IMMP2L: variants seen among roughly 807,000 people sequenced by gnomAD.
IMMP2L encodes the protein inner mitochondrial membrane peptidase subunit 2.
A neutral mutation model predicts 19.3 loss-of-function variants in IMMP2L; 18 were observed. The ratio of observed to expected loss-of-function variants is 0.93; its 90% CI spans 0.64 to 1.38. The LOEUF is 1.38. Ranked by LOEUF, IMMP2L falls within the 40% of genes most tolerant of loss-of-function variation. The probability of loss-of-function intolerance (pLI) is 0.00; values close to 1 mark genes in which losing one functional copy is unlikely to be tolerated. For missense variants in IMMP2L, 233 were observed against 218.2 expected, an observed-to-expected ratio of 1.07 and a Z score of -0.43; for synonymous variants, 76 against 73.0, an observed-to-expected ratio of 1.04 and a Z score of -0.21.
intron 3 of IMMP2L, among the ~76,000 whole-genome samples, chr7:111,090,037 A>T (rs1310102387): frequency 6.6e-6 from 1 of 151,950 alleles, no homozygotes; most frequent in East Asian, 1.9e-4. Context: ...CTGGGGTTGG[A>T]GTCATGACTA....
chr7:110,833,139 G>A (rs755699916), intron 5 of IMMP2L, among the ~76,000 whole-genome samples: 13 of 152,128 alleles, frequency 8.5e-5, no homozygotes, highest in Non-Finnish European at 1.0e-4. Context: ...GGAGCTCTTA[G>A]AAGAGTTTTA....
At chr7:111,481,505 T>A (rs1459723587) in intron 3 of IMMP2L, among the ~76,000 whole-genome samples, 1 of 152,148 alleles carries the variant, frequency 6.6e-6, no homozygotes, top group Non-Finnish European at 1.5e-5. Context: ...TACTGGTTTT[T>A]CTTAATAAGA....
chr7:111,291,774 G>A (rs927105360), intron 3 of IMMP2L, among the ~76,000 whole-genome samples: 60 of 152,202 alleles, frequency 3.9e-4, no homozygotes, highest in African/African-American at 1.3e-3. Flanking sequence ...ACAAAAAAAT[G>A]ACAAGTATAT....
chr7:110,770,482 T>C (rs190539075), intron 5 of IMMP2L, among the ~76,000 whole-genome samples: 2 of 152,344 alleles, frequency 1.3e-5, no homozygotes, highest in African/African-American at 4.8e-5. Context: ...AACAGTGAAA[T>C]GCCTTCCCCC....
chr7:110,802,305 G>C (rs1801306387), intron 5 of IMMP2L, among the ~76,000 whole-genome samples: 1 of 145,666 alleles, frequency 6.9e-6, no homozygotes, highest in Non-Finnish European at 1.5e-5. Context: ...TTCTTTTAAA[G>C]ACAGTGTGTA....
chr7:111,152,765 T>C (rs1382009944), intron 3 of IMMP2L, among the ~76,000 whole-genome samples: 1 of 152,154 alleles, frequency 6.6e-6, no homozygotes, highest in Admixed American at 6.5e-5. Flanking sequence ...ATAATGTCTA[T>C]TTACTTTCTT....
At chr7:110,670,716 A>G (rs1217076705) in intron 5 of IMMP2L, among the ~76,000 whole-genome samples, 1 of 151,834 alleles carries the variant, frequency 6.6e-6, no homozygotes, top group Non-Finnish European at 1.5e-5. Context: ...AAAAAAAACA[A>G]AAAAAACCCC....
intron 3 of IMMP2L, among the ~76,000 whole-genome samples, chr7:111,302,561 A>G (rs1369903305): frequency 6.6e-6 from 1 of 152,150 alleles, no homozygotes; most frequent in African/African-American, 2.4e-5. Flanking sequence ...TAACCCTAGG[A>G]GGTGCTATTA....
chr7:111,300,292 A>G (rs2129963034), intron 3 of IMMP2L, among the ~76,000 whole-genome samples: 1 of 152,292 alleles, frequency 6.6e-6, no homozygotes, highest in Middle Eastern at 3.4e-3. Context: ...AAGTACAGAC[A>G]CGGACCCCAC....
intron 3 of IMMP2L, among the ~76,000 whole-genome samples, chr7:111,356,786 G>C (rs1757930499): frequency 6.6e-6 from 1 of 152,106 alleles, no homozygotes; most frequent in African/African-American, 2.4e-5. Context: ...CTGCACTTTG[G>C]GAGGCTGAGG....
chr7:110,767,803 T>C (rs998048004), intron 5 of IMMP2L, among the ~76,000 whole-genome samples: 3 of 152,186 alleles, frequency 2.0e-5, no homozygotes, highest in South Asian at 2.1e-4. Context: ...AGGGTTTTTC[T>C]AAAGCACAGA....
intron 3 of IMMP2L, among the ~76,000 whole-genome samples, chr7:111,348,486 G>A (rs769406673): frequency 2.1e-4 from 32 of 151,844 alleles, no homozygotes; most frequent in Admixed American, 3.9e-4. Context: ...GCCAGTTTTC[G>A]GTCCATCTAA....
chr7:111,107,503 A>G (rs1028300339), intron 3 of IMMP2L, among the ~76,000 whole-genome samples: 2 of 152,060 alleles, frequency 1.3e-5, no homozygotes, highest in Non-Finnish European at 2.9e-5. Flanking sequence ...TAAAAACTCA[A>G]TATAAGCATG....
intron 5 of IMMP2L, among the ~76,000 whole-genome samples, chr7:110,713,352 T>A (rs566273050): frequency 3.9e-5 from 6 of 152,204 alleles, no homozygotes; most frequent in Non-Finnish European, 8.8e-5. Flanking sequence ...GTGATGCGTC[T>A]GACTTTGTTC....
At chr7:111,184,960 T>C (rs1192193763) in intron 3 of IMMP2L, among the ~76,000 whole-genome samples, 3 of 152,184 alleles carry the variant, frequency 2.0e-5, no homozygotes, top group East Asian at 1.9e-4. Context: ...CTAATAAAGA[T>C]GCTCTCCTTC....
rs1306244624 is a variant in IMMP2L at position 110,855,142 on chromosome 7, AG to A, written c.408+31450del. ...ACAGACCCAGGGCTGTGAAGAATCA[AG>A]GGAAAAGAAAATATATGGGGAAAAA... On this transcript the variant is annotated intron_variant, in intron 5 of 5. Transcript: ENST00000405709. 2.0e-5 allele frequency among the ~76,000 whole-genome samples: 3 copies of A among 151,998 alleles called. No individual in the cohort carries two copies. The East Asian group carries it at 5.8e-4, about 29-fold the overall frequency.
chr7:110,970,646 A>C (rs979107414), intron 3 of IMMP2L, among the ~76,000 whole-genome samples: 4 of 152,128 alleles, frequency 2.6e-5, no homozygotes, highest in Non-Finnish European at 5.9e-5. Flanking sequence ...TACTCTTTCA[A>C]TACAGATTCC....
rs1221676933 is a variant in IMMP2L, at chr7:111,466,748, T to G, written c.239+20490A>C. Reference sequence around the variant, plus strand: ...TCAGCCAAAAGCAGATCAAACATATTTGGGAAAAAACTGTCTGTACTAAAC... The same window carrying G: ...TCAGCCAAAAGCAGATCAAACATATGTGGGAAAAAACTGTCTGTACTAAAC... On this transcript the variant is annotated intron_variant, in intron 3 of 5. Coordinates refer to ENST00000405709, the MANE Select transcript of IMMP2L (RefSeq NM_032549.4). Among the ~76,000 whole-genome samples, 3 of 152,286 alleles carry G rather than the reference T, an allele frequency of 2.0e-5. No homozygotes were observed. In the East Asian group the frequency reaches 5.8e-4, roughly 29 times the overall value.
intron 5 of IMMP2L, among the ~76,000 whole-genome samples, chr7:110,839,912 A>G (rs1385224194): frequency 6.6e-6 from 1 of 152,010 alleles, no homozygotes; most frequent in Admixed American, 6.6e-5. Context: ...CCTCCCTCCC[A>G]TGGTTCTATC....
Sources: allele counts gnomAD v4.1 joint callset (sites outside exome capture counted in the v4.1 genomes callset), GRCh38; gene constraint gnomAD v4.1.1; transcripts MANE v1.5; gene names NCBI Gene and HGNC (gene_info 2026-07-23, HGNC 2026-07-21).